KLHL2: variants seen among roughly 807,000 people sequenced by gnomAD.
The protein encoded by KLHL2 is kelch like family member 2.
Under a neutral mutation model 75.8 loss-of-function variants are expected in KLHL2, and 15 were observed. That is an observed-to-expected ratio of 0.20 (90% CI 0.13 to 0.30). KLHL2 has a LOEUF of 0.30. KLHL2 is among the 10% of genes least tolerant of loss of function. The pLI, the probability that KLHL2 is intolerant of heterozygous loss-of-function variation, is 1.00. For missense variants in KLHL2, 381 were observed against 741.0 expected, an observed-to-expected ratio of 0.51 and a Z score of 5.64; for synonymous variants, 214 against 251.9, an observed-to-expected ratio of 0.85 and a Z score of 1.42.
At chr4:165,317,780 A>C (rs757767336) in intron 13 of KLHL2, 46 bp from the exon 14 acceptor site, 1 of 1,498,634 alleles carries the variant, frequency 6.7e-7, no homozygotes, top group South Asian at 1.2e-5. Flanking sequence ...ACTCATATTC[A>C]TCCCAATTTT....
At chr4:165,269,509 G>T (rs984539492) in intron 5 of KLHL2, among the ~76,000 whole-genome samples, 3 of 151,970 alleles carry the variant, frequency 2.0e-5, no homozygotes, top group African/African-American at 7.2e-5. Context: ...GGCAGGCCTG[G>T]TGGTGACAAA....
chr4:165,231,162 C>T (rs1005975392), intron 3 of KLHL2, among the ~76,000 whole-genome samples: 41 of 152,108 alleles, frequency 2.7e-4, no homozygotes, highest in African/African-American at 9.2e-4. Context: ...ATAAAATTTA[C>T]TCATTTCAGG....
chr4:165,210,167 C>A lies in KLHL2; in HGVS notation c.26+2265C>A, dbSNP rs1010444517. 17 of 1,551,574 alleles carry A rather than the reference C, an allele frequency of 1.1e-5. No homozygotes were observed. The African/African-American group carries it at 2.3e-4, about 21-fold the overall frequency. On this transcript the variant is annotated intron_variant, in intron 1 of 14. Transcript: ENST00000226725. ...TATGGTATGGTTGGAAGCACGGCCCCAGATTCTCTTTGTGTAAGTGTCTGT... is the reference window on the plus strand; with the variant it reads ...TATGGTATGGTTGGAAGCACGGCCCAAGATTCTCTTTGTGTAAGTGTCTGT...
chr4:165,311,043 G>A (rs1164054263), intron 10 of KLHL2, among the ~76,000 whole-genome samples: 1 of 151,914 alleles, frequency 6.6e-6, no homozygotes, highest in East Asian at 1.9e-4. Context: ...TTTTTTAGTA[G>A]AGACGGGGTT....
chr4:165,321,680 G>T (rs1194901426), intron 14 of KLHL2, among the ~76,000 whole-genome samples: 1 of 152,094 alleles, frequency 6.6e-6, no homozygotes, highest in African/African-American at 2.4e-5. Context: ...TATTACTTTT[G>T]ACAGAGTATA....
At chr4:165,244,275 T>G (rs1740052158) in intron 4 of KLHL2, among the ~76,000 whole-genome samples, 1 of 152,244 alleles carries the variant, frequency 6.6e-6, no homozygotes, top group African/African-American at 2.4e-5. Context: ...ATTCATTTAC[T>G]TAAATTGTGT....
intron 8 of KLHL2, among the ~76,000 whole-genome samples, chr4:165,305,159 T>C (rs1241073530): frequency 6.6e-6 from 1 of 152,176 alleles, no homozygotes; most frequent in African/African-American, 2.4e-5. Context: ...ATCTTTCTTT[T>C]AATACTTACT....
At chr4:165,254,231 G>T (rs1053885605) in intron 4 of KLHL2, among the ~76,000 whole-genome samples, 2 of 152,158 alleles carry the variant, frequency 1.3e-5, no homozygotes, top group Non-Finnish European at 2.9e-5. Flanking sequence ...TTTATAATAG[G>T]ATTGTTTGTT....
At chr4:165,291,994 G>A (rs1036325556) in intron 5 of KLHL2, among the ~76,000 whole-genome samples, 7 of 151,854 alleles carry the variant, frequency 4.6e-5, no homozygotes, top group Non-Finnish European at 7.4e-5. Context: ...TGTGCTCGGT[G>A]TCCCATATAC....
Position 165,207,824 on chromosome 4 carries a change from G to A in KLHL2, c.-53G>A. 7.1e-7 allele frequency: 1 copy of A among 1,414,932 alleles called. No homozygotes were observed. Among genetic ancestry groups the A allele is most frequent in the East Asian group, 3.4e-5 (1 of 29,246 alleles). 87.6% of individuals were successfully genotyped at this position (1,414,932 alleles called of 1,614,324 possible). On this transcript the variant is annotated 5_prime_UTR_variant, in exon 1 of 15. It removes an upstream start codon present in the reference 5' UTR. Transcript: ENST00000226725. This position sits in a 1 kb window ranked among gnomAD's most constrained non-coding sequence, Gnocchi z 4.2. ...CAGTGCCGGCGTCCGCGGCTGGAAT[G>A]GTGCTGGCTGTGTTGGTCGGTGCCT... is the stretch of plus-strand genomic sequence containing the variant.
intron 8 of KLHL2, 38 bp from the exon 9 acceptor site, chr4:165,305,570 A>T (rs760018037): frequency 1.4e-6 from 2 of 1,459,130 alleles, no homozygotes; most frequent in Non-Finnish European, 1.9e-6. Flanking sequence ...AATATGTAAT[A>T]GTCATTTGTT....
At chr4:165,282,776 A>G (rs550385332) in intron 5 of KLHL2, among the ~76,000 whole-genome samples, 1 of 146,022 alleles carries the variant, frequency 6.8e-6, no homozygotes, top group South Asian at 2.1e-4. Context: ...AATAAGAGTG[A>G]AAAAGATTTT....
In KLHL2 at chr4:165,267,594, G is replaced by A. The variant is rs1352237180; in HGVS notation, c.544+4235G>A. ...TCATGTGGTTTTTGTCATTGGTTCTGTTTATGTGATGGATTACGTTTATAT... is the reference window on the plus strand; with the variant it reads ...TCATGTGGTTTTTGTCATTGGTTCTATTTATGTGATGGATTACGTTTATAT... On this transcript the variant is annotated intron_variant, in intron 5 of 14. Coordinates refer to ENST00000226725, the MANE Select transcript of KLHL2 (RefSeq NM_007246.4). 2.0e-5 allele frequency among the ~76,000 whole-genome samples: 3 copies of A among 152,154 alleles called. No homozygotes were observed. In the East Asian group the frequency reaches 5.8e-4, roughly 29 times the overall value.
intron 5 of KLHL2, chr4:165,278,809 A>G (rs772434181): frequency 3.4e-5 from 52 of 1,546,198 alleles, no homozygotes; most frequent in Non-Finnish European, 4.2e-5. Context: ...ATCCTGTTCC[A>G]TACGTATTTT....
intron 2 of KLHL2, among the ~76,000 whole-genome samples, chr4:165,225,848 A>G (rs1420033631): frequency 1.3e-5 from 2 of 152,226 alleles, no homozygotes; most frequent in African/African-American, 2.4e-5. Flanking sequence ...TAATTTGTAA[A>G]GTGTCTCTGA....
intron 5 of KLHL2, among the ~76,000 whole-genome samples, chr4:165,263,684 A>C (rs1034024773): frequency 6.6e-6 from 1 of 151,252 alleles, no homozygotes; most frequent in African/African-American, 2.4e-5. Flanking sequence ...GCTCATTGCA[A>C]CCTCCGCCTC....
At chr4:165,270,947 A>G (rs1742642157) in intron 5 of KLHL2, among the ~76,000 whole-genome samples, 1 of 152,156 alleles carries the variant, frequency 6.6e-6, no homozygotes, top group South Asian at 2.1e-4. Context: ...GTCGAAGATC[A>G]GTTGTTTGTA....
At chr4:165,212,076 C>T (rs1328988740) in intron 1 of KLHL2, among the ~76,000 whole-genome samples, 1 of 152,058 alleles carries the variant, frequency 6.6e-6, no homozygotes, top group Admixed American at 6.6e-5. Flanking sequence ...CTGTAGTGTT[C>T]TACCAAATCC....
At chr4:165,321,782 T>C (rs367914149) in intron 14 of KLHL2, among the ~76,000 whole-genome samples, 14 of 152,328 alleles carry the variant, frequency 9.2e-5, no homozygotes, top group African/African-American at 1.9e-4. Flanking sequence ...TTTTCCAAAT[T>C]GTAACTACAA....
Sources: allele counts gnomAD v4.1 joint callset (sites outside exome capture counted in the v4.1 genomes callset), GRCh38; gene constraint gnomAD v4.1.1; non-coding constraint Gnocchi (gnomAD v3.1); transcripts MANE v1.5; gene names NCBI Gene and HGNC (gene_info 2026-07-23, HGNC 2026-07-21).